Variants in WDFY3 observed in about 807,000 individuals in gnomAD.
WDFY3 encodes the protein WD repeat and FYVE domain-containing protein 3.
In WDFY3, 66 loss-of-function variants were observed where a neutral mutation model predicts 409.6. That is an observed-to-expected ratio of 0.16 (90% confidence interval 0.13 to 0.20). WDFY3 has a LOEUF of 0.20. WDFY3 is among the 10% of genes least tolerant of loss of function. The pLI, the probability that WDFY3 is intolerant of heterozygous loss-of-function variation, is 1.00. For synonymous variants in WDFY3, 1,521 were observed against 1,537.1 expected (o/e 0.99, Z 0.25); for missense variants, 3,031 against 4,298.1 (o/e 0.71, Z 8.24).
At chr4:84,707,669 C>A (rs1732192081) in intron 53 of WDFY3, among the ~76,000 whole-genome samples, 1 of 152,168 alleles carries the variant, frequency 6.6e-6, no homozygotes, top group Non-Finnish European at 1.5e-5. Context: ...TTTTGGACTT[C>A]CTGTCTCTTT....
At chr4:84,962,202 G>A (rs1322645562) in intron 1 of WDFY3, among the ~76,000 whole-genome samples, 1 of 152,188 alleles carries the variant, frequency 6.6e-6, no homozygotes, top group African/African-American at 2.4e-5. Context: ...CTGTAAGCTG[G>A]TAGCTTAATT....
intron 4 of WDFY3, among the ~76,000 whole-genome samples, chr4:84,859,819 C>G (rs1760325684): frequency 6.6e-6 from 1 of 152,176 alleles, no homozygotes; most frequent in South Asian, 2.1e-4. Flanking sequence ...AGGTGATCCA[C>G]CTGCCTTGGC....
chr4:84,966,193 T>TGGCGGGGGTACTCACCTGAGGGCC lies in WDFY3; in HGVS notation c.-234_-226+15dup, dbSNP rs1381635708. 1 of 150,896 alleles carries TGGCGGGGGTACTCACCTGAGGGCC rather than the reference T, an allele frequency of 6.6e-6. No homozygotes were observed. The allele number at this position is 150,896 out of a possible 1,614,324, so 9.3% of individuals were successfully genotyped here. On this transcript the variant is annotated intron_variant, in intron 1 of 67. Transcript: ENST00000295888. ...CCGGGAGCGCGGGGGGCGGGGAGGA[T>TGGCGGGGGTACTCACCTGAGGGCC]GGCGGGGGTACTCACCTGAGGGCCG...
chr4:84,755,919 C>T (rs1741360019), intron 33 of WDFY3, among the ~76,000 whole-genome samples: 1 of 152,124 alleles, frequency 6.6e-6, no homozygotes, highest in South Asian at 2.1e-4. Flanking sequence ...ACCAATACAA[C>T]TGTGCTAGGC....
At chr4:84,933,151 G>A (rs1223627674) in intron 1 of WDFY3, among the ~76,000 whole-genome samples, 7 of 151,946 alleles carry the variant, frequency 4.6e-5, no homozygotes, top group South Asian at 2.1e-4. Flanking sequence ...AATGACATTC[G>A]CCTTTTCAGA....
At chr4:84,818,153 C>T (rs1344958166) in intron 12 of WDFY3, among the ~76,000 whole-genome samples, 3 of 152,152 alleles carry the variant, frequency 2.0e-5, no homozygotes, top group Admixed American at 6.6e-5. Flanking sequence ...TACTCATCCC[C>T]TACCATATAG....
intron 64 of WDFY3, among the ~76,000 whole-genome samples, chr4:84,681,651 G>C (rs1196194185): frequency 6.6e-6 from 1 of 152,102 alleles, no homozygotes; most frequent in Non-Finnish European, 1.5e-5. Flanking sequence ...GCCAATCATG[G>C]AGAAACAATC....
At chr4:84,881,152 A>G (rs1326628755) in intron 3 of WDFY3, among the ~76,000 whole-genome samples, 2 of 152,136 alleles carry the variant, frequency 1.3e-5, no homozygotes, top group Non-Finnish European at 2.9e-5. Context: ...TTTACCATAC[A>G]TACGCATCAA....
rs1725256271 is a variant in WDFY3 at position 84,670,194 on chromosome 4, T to C, written c.*2674A>G. ...TGCACACTACATAGAAATGTTAGAA[T>C]ACATGGATGAACAAATGAACAGGTG... On this transcript the variant is annotated 3_prime_UTR_variant, in exon 68 of 68. Transcript: ENST00000295888. 1 of 152,626 alleles carries C rather than the reference T, an allele frequency of 6.6e-6. No homozygotes were observed. The highest frequency in any genetic ancestry group is 1.5e-5 in the Non-Finnish European group (1 of 68,044). 9.5% of individuals were successfully genotyped at this position (152,626 alleles called of 1,614,324 possible). A position where few individuals can be genotyped will look rare whatever the true frequency, so the allele number is the denominator to read the frequency against.
intron 50 of WDFY3, among the ~76,000 whole-genome samples, 189 bp from the exon 51 acceptor site, chr4:84,713,428 A>G (rs1560579740): frequency 6.6e-6 from 1 of 152,246 alleles, no homozygotes. Context: ...CTTAGCACTG[A>G]AAACAATAGC....
At chr4:84,806,449 GAC>G (rs548214822) in intron 15 of WDFY3, among the ~76,000 whole-genome samples, 59 of 152,288 alleles carry the variant, frequency 3.9e-4, no homozygotes, top group African/African-American at 1.3e-3. Context: ...CTGATTTAGT[GAC>G]AGTTTTCCCT....
At position 84,821,246 on chromosome 4, in the gene WDFY3, G is replaced by A. The variant is rs1353578453; in HGVS notation, c.1429C>T (p.His477Tyr). The A allele has an allele frequency of 5.0e-6, 8 of 1,613,704 alleles. No homozygotes were observed. The highest frequency in any genetic ancestry group is 5.9e-6 in the Non-Finnish European group (7 of 1,179,808). The part of the protein sequence containing the change: ...SILLKSSSSY[H>Y]CSIIAMKTLL... ...GTTTTCATTGCAATAATGCTACAGT[G>A]ATAAGAAGAGCTAGATTTTAAGAGG... is the stretch of plus-strand genomic sequence containing the variant. Residue 477 changes from histidine to tyrosine, a missense_variant, in exon 11 of 68, where the codon CAC (histidine) becomes TAC (tyrosine). His to Tyr is a moderately conservative substitution (Grantham distance 83). Transcript: ENST00000295888.
At chr4:84,833,511 T>C (rs777867820) in intron 7 of WDFY3, among the ~76,000 whole-genome samples, 6 of 151,914 alleles carry the variant, frequency 3.9e-5, no homozygotes, top group Non-Finnish European at 5.9e-5. Flanking sequence ...ACTCCATCTC[T>C]ACAAAAAATT....
At chr4:84,822,717 TAAAC>T (rs544144712) in intron 10 of WDFY3, among the ~76,000 whole-genome samples, 3 of 151,922 alleles carry the variant, frequency 2.0e-5, no homozygotes, top group Non-Finnish European at 2.9e-5. Flanking sequence ...GTCTGTAAAA[TAAAC>T]AAACAAACAA....
At chr4:84,791,472 T>C (rs868467406) in intron 21 of WDFY3, among the ~76,000 whole-genome samples, 1 of 152,152 alleles carries the variant, frequency 6.6e-6, no homozygotes, top group Non-Finnish European at 1.5e-5. Flanking sequence ...AGCTTGAGAT[T>C]TGCTCTACAA....
chr4:84,699,583 T>C (rs950988021), intron 56 of WDFY3, among the ~76,000 whole-genome samples: 3 of 152,208 alleles, frequency 2.0e-5, no homozygotes, highest in African/African-American at 7.2e-5. Flanking sequence ...GTGGAACTGC[T>C]GGGTCATATG....
At chr4:84,902,852 A>G (rs1766520447) in intron 2 of WDFY3, among the ~76,000 whole-genome samples, 1 of 152,188 alleles carries the variant, frequency 6.6e-6, no homozygotes, top group African/African-American at 2.4e-5. Flanking sequence ...TTTCAGACTT[A>G]TTGTCAGGAT....
At chr4:84,716,311 C>A (rs972402893) in intron 49 of WDFY3, among the ~76,000 whole-genome samples, 2 of 151,150 alleles carry the variant, frequency 1.3e-5, no homozygotes, top group Non-Finnish European at 1.5e-5. Context: ...TGGTGGCAGG[C>A]GCCTCTAGTC....
At chr4:84,843,960 A>G (rs1757730537) in intron 5 of WDFY3, among the ~76,000 whole-genome samples, 1 of 152,188 alleles carries the variant, frequency 6.6e-6, no homozygotes, top group Admixed American at 6.5e-5. Flanking sequence ...GAAAGAATAT[A>G]TTAATATTAA....
Sources: gnomAD v4.1 joint callset for allele counts (sites outside exome capture counted in the v4.1 genomes callset) on GRCh38, gnomAD v4.1.1 for gene constraint, MANE v1.5 for transcripts, NCBI Gene and HGNC (gene_info 2026-07-23, HGNC 2026-07-21) for gene names.